MED13L: variants seen among roughly 807,000 people sequenced by gnomAD.
MED13L encodes mediator of RNA polymerase II transcription subunit 13-like.
A neutral mutation model predicts 220.9 loss-of-function variants in MED13L; 7 were observed. The observed-to-expected ratio is 0.03, with a 90% CI of 0.02 to 0.06. MED13L has a LOEUF of 0.06. Among genes scored for constraint, MED13L ranks in the 10% least tolerant of loss-of-function variants. MED13L has a pLI of 1.00. For synonymous variants in MED13L, 1,011 were observed against 1,015.2 expected, an observed-to-expected ratio of 1.00 and a Z score of 0.08; for missense variants, 1,965 against 2,760.5, an observed-to-expected ratio of 0.71 and a Z score of 6.46.
At chr12:116,039,193 C>G (rs59560959) in intron 4 of MED13L, among the ~76,000 whole-genome samples, 25,726 of 152,140 alleles carry the variant, frequency 0.17, 2,395 homozygotes, top group Middle Eastern at 0.27. Context: ...TCTACCTTTT[C>G]ACATCACTAT....
rs548879583 is a variant in MED13L at position 116,057,049 on chromosome 12, T to G, written c.480-34448A>C. Among the ~76,000 whole-genome samples, 8 of 152,366 alleles carry G rather than the reference T, an allele frequency of 5.3e-5. No homozygotes were observed. In the East Asian group the frequency reaches 1.5e-3, roughly 29 times the overall value. ...GGTAAAAGAATAAAAATGGTCTCTTTCTCTCATAAGATTTAAATGTATCAC... is the reference window on the plus strand; with the variant it reads ...GGTAAAAGAATAAAAATGGTCTCTTGCTCTCATAAGATTTAAATGTATCAC... On this transcript the variant is annotated intron_variant, in intron 4 of 30. Coordinates refer to ENST00000281928, the MANE Select transcript of MED13L (RefSeq NM_015335.5).
intron 29 of MED13L, among the ~76,000 whole-genome samples, chr12:115,964,620 A>G (rs1876012767): frequency 6.6e-6 from 1 of 152,114 alleles, no homozygotes; most frequent in African/African-American, 2.4e-5. Flanking sequence ...ATTATGAACC[A>G]AGGATTTGTT....
intron 2 of MED13L, among the ~76,000 whole-genome samples, chr12:116,119,228 C>T (rs1177083453): frequency 1.3e-5 from 2 of 152,154 alleles, no homozygotes; most frequent in Non-Finnish European, 2.9e-5. Context: ...TAACCCCTAC[C>T]AGATGCTCCT....
At chr12:115,964,544 T>C (rs1876006491) in intron 29 of MED13L, among the ~76,000 whole-genome samples, 1 of 152,218 alleles carries the variant, frequency 6.6e-6, no homozygotes, top group African/African-American at 2.4e-5. Flanking sequence ...TATTTTTTTA[T>C]TTTTCAGACT....
chr12:116,257,739 T>G (rs936024735), intron 1 of MED13L, among the ~76,000 whole-genome samples: 1 of 152,236 alleles, frequency 6.6e-6, no homozygotes, highest in Non-Finnish European at 1.5e-5. Context: ...TAAAAAAAAC[T>G]GAAAGACTTT....
intron 4 of MED13L, among the ~76,000 whole-genome samples, chr12:116,090,310 T>C (rs1237650663): frequency 6.6e-6 from 1 of 152,206 alleles, no homozygotes; most frequent in Admixed American, 6.5e-5. Flanking sequence ...CTACAATTTC[T>C]CCTTCCATTT....
At chr12:116,031,675 A>G (rs181567585) in intron 4 of MED13L, among the ~76,000 whole-genome samples, 4,427 of 68,002 alleles carry the variant, frequency 0.065, 448 homozygotes, top group South Asian at 0.1. Context: ...GGAGAAAAGA[A>G]AAAAGAAAAG....
At chr12:116,158,971 C>T (rs1878655734) in intron 2 of MED13L, among the ~76,000 whole-genome samples, 1 of 152,124 alleles carries the variant, frequency 6.6e-6, no homozygotes, top group African/African-American at 2.4e-5. Flanking sequence ...CTCATGTCAA[C>T]AATCAACCAA....
intron 2 of MED13L, among the ~76,000 whole-genome samples, chr12:116,158,983 A>T (rs1227857254): frequency 1.3e-5 from 2 of 152,174 alleles, no homozygotes; most frequent in African/African-American, 4.8e-5. Context: ...ATCAACCAAT[A>T]GTTCTTAACA....
Position 115,981,741 on chromosome 12 carries a change from T to C in MED13L, c.5175+643A>G, listed in dbSNP as rs1877344028. 2.0e-5 allele frequency: 3 copies of C among 152,568 alleles called. No homozygotes were observed. In the South Asian group the frequency reaches 6.2e-4, roughly 32 times the overall value. The allele number at this position is 152,568 out of a possible 1,614,324, so 9.5% of individuals were successfully genotyped here. The stretch of plus-strand genomic sequence containing the variant: ...ATGGAAAATATGCAGTCATTAAAAA[T>C]GTTGCTTGTAAGAATTTAAATAATA... On this transcript the variant is annotated intron_variant, in intron 22 of 30. Transcript: ENST00000281928.
chr12:116,204,612 C>T (rs1378370436), intron 2 of MED13L, among the ~76,000 whole-genome samples: 1 of 152,172 alleles, frequency 6.6e-6, no homozygotes, highest in Admixed American at 6.5e-5. Context: ...TCATTCCCCA[C>T]TATAAGTTCC....
chr12:116,133,443 C>G (rs1876256233), intron 2 of MED13L, among the ~76,000 whole-genome samples: 1 of 152,086 alleles, frequency 6.6e-6, no homozygotes, highest in Admixed American at 6.5e-5. Flanking sequence ...GACGGTAGAC[C>G]AGGCTGGTAC....
chr12:116,004,419 G>A (rs189653079), intron 13 of MED13L, among the ~76,000 whole-genome samples: 1 of 152,102 alleles, frequency 6.6e-6, no homozygotes, highest in East Asian at 1.9e-4. Context: ...TCAGATTCTA[G>A]TGTTCCAATC....
Position 116,007,500 on chromosome 12 carries a change from T to C in MED13L, c.2149A>G (p.Thr717Ala). Residue 717 changes from threonine to alanine, a missense_variant, in exon 11 of 31, where the codon ACC (threonine) becomes GCC (alanine). This residue lies in a region of MED13L where 818 missense variants were observed against 1,041.2 expected (regional missense o/e 0.79). Coordinates refer to ENST00000281928, the MANE Select transcript of MED13L (RefSeq NM_015335.5). ...TATTTTATGTCACCATCTTCAAAGG[T>C]ATATGGGTCATTCACTTCTCCCAAA... ...DSLGEVNDPY[T>A]FEDGDIKYIF... 1 of 1,613,938 alleles carries C rather than the reference T, an allele frequency of 6.2e-7. No homozygotes were observed. The highest frequency in any genetic ancestry group is 8.5e-7 in the Non-Finnish European group (1 of 1,179,932).
chr12:116,113,552 C>T (rs1047771097), intron 2 of MED13L, among the ~76,000 whole-genome samples: 6 of 149,868 alleles, frequency 4.0e-5, no homozygotes, highest in African/African-American at 1.2e-4. Flanking sequence ...CTACTCTGGA[C>T]GCTGAGGCGA....
intron 4 of MED13L, among the ~76,000 whole-genome samples, chr12:116,024,758 T>C (rs1880267537): frequency 1.2e-5 from 1 of 86,238 alleles, no homozygotes; most frequent in Non-Finnish European, 2.2e-5. Context: ...AGTTTCATGC[T>C]TTTTTTTGGC....
At chr12:116,154,786 C>T (rs1214632246) in intron 2 of MED13L, among the ~76,000 whole-genome samples, 2 of 152,008 alleles carry the variant, frequency 1.3e-5, no homozygotes, top group Admixed American at 6.6e-5. Context: ...CAATATTTTT[C>T]GATAAAGATA....
intron 7 of MED13L, among the ~76,000 whole-genome samples, chr12:116,015,901 T>C (rs1879696038): frequency 6.6e-6 from 1 of 152,234 alleles, no homozygotes; most frequent in South Asian, 2.1e-4. Flanking sequence ...TGACATTTTA[T>C]TTCAGAGGAT....
At chr12:116,145,419 A>C (rs1877397615) in intron 2 of MED13L, among the ~76,000 whole-genome samples, 1 of 152,192 alleles carries the variant, frequency 6.6e-6, no homozygotes, top group Admixed American at 6.5e-5. Context: ...TCCAGTACTA[A>C]AATTCTAGGC....
Sources: allele counts gnomAD v4.1 joint callset (sites outside exome capture counted in the v4.1 genomes callset), GRCh38; gene constraint gnomAD v4.1.1; regional missense constraint gnomAD v4.1.1; transcripts MANE v1.5; gene names NCBI Gene and HGNC (gene_info 2026-07-23, HGNC 2026-07-21).